Variants in RRBP1 observed in about 807,000 individuals in gnomAD.
The protein encoded by RRBP1 is ribosome-binding protein 1.
RRBP1 carries 94 observed loss-of-function variants against 165.2 expected under a neutral mutation model. The observed-to-expected ratio is 0.57, with a 90% CI of 0.48 to 0.68. The LOEUF is 0.68. Among genes scored for constraint, RRBP1 ranks in the 30% least tolerant of loss-of-function variants. The pLI, the probability that RRBP1 is intolerant of heterozygous loss-of-function variation, is 0.00. For synonymous variants in RRBP1, 680 were observed against 714.5 expected (o/e 0.95, Z 0.77); for missense variants, 1,676 against 1,763.0 (o/e 0.95, Z 0.88).
rs967464780 is a variant in RRBP1 at position 17,627,311 on chromosome 20, G to A, written c.2963+37C>T. The A allele has an allele frequency of 1.9e-6, 3 of 1,609,586 alleles. No homozygotes were observed. The African/African-American group carries it at 4.0e-5, about 22-fold the overall frequency. Reference sequence around the variant, plus strand: ...AAGGGTCTTTGGTCCCCCGGGCTGAGGCTCAAGTGAGCAGGCAGGCTGCTT... The same window carrying A: ...AAGGGTCTTTGGTCCCCCGGGCTGAAGCTCAAGTGAGCAGGCAGGCTGCTT... On this transcript the variant is annotated intron_variant, in intron 11 of 24. Coordinates refer to ENST00000377813, the MANE Select transcript of RRBP1 (RefSeq NM_001365613.2).
At chr20:17,671,598 G>C (rs894977718) in intron 2 of RRBP1, among the ~76,000 whole-genome samples, 1 of 152,162 alleles carries the variant, frequency 6.6e-6, no homozygotes, top group Admixed American at 6.5e-5. Context: ...GTGAGAATGG[G>C]CTTACCTCTG....
intron 3 of RRBP1, among the ~76,000 whole-genome samples, chr20:17,653,298 C>T (rs375402654): frequency 2.0e-5 from 3 of 152,262 alleles, no homozygotes; most frequent in East Asian, 1.9e-4. Flanking sequence ...CTGTCCTTTA[C>T]AGTCAGAGCT....
At chr20:17,633,978 A>G (rs929761074) in intron 7 of RRBP1, among the ~76,000 whole-genome samples, 1 of 152,334 alleles carries the variant, frequency 6.6e-6, no homozygotes. Flanking sequence ...GCCTGTGGGC[A>G]GCAGCCCACG....
intron 16 of RRBP1, among the ~76,000 whole-genome samples, 196 bp downstream of exon 16, chr20:17,621,262 C>A (rs529568386): frequency 1.6e-4 from 24 of 152,322 alleles, no homozygotes; most frequent in African/African-American, 5.1e-4. Flanking sequence ...TCAACTTGGC[C>A]TTCTCTTCAG....
At chr20:17,629,263 G>A (rs909638002) in intron 9 of RRBP1, among the ~76,000 whole-genome samples, 1 of 152,212 alleles carries the variant, frequency 6.6e-6, no homozygotes, top group Non-Finnish European at 1.5e-5. Context: ...AGGGCCACGG[G>A]CCTCTCACTG....
In RRBP1 at chr20:17,682,041, C is replaced by CGCGAGAGGGAAA. The variant is rs1480517221; in HGVS notation, c.-124_-113dup. The CGCGAGAGGGAAA allele has an allele frequency of 1.3e-5, 2 of 151,966 alleles. No individual in the cohort carries two copies. The highest frequency in any genetic ancestry group is 4.8e-5 in the African/African-American group (2 of 41,504). The allele number at this position is 151,966 out of a possible 1,614,324, so 9.4% of individuals were successfully genotyped here. On this transcript the variant is annotated 5_prime_UTR_variant, in exon 1 of 25. Coordinates refer to ENST00000377813, the MANE Select transcript of RRBP1 (RefSeq NM_001365613.2). The stretch of plus-strand genomic sequence containing the variant: ...CAAGTTTCTTACCTGCAGCCAGAGA[C>CGCGAGAGGGAAA]GCGAGAGGGAAAGCGAGAGGGCAGG...
In RRBP1 at chr20:17,665,499, G is replaced by T. The variant is rs187292765; in HGVS notation, c.-21-4971C>A. On this transcript the variant is annotated intron_variant, in intron 2 of 24. Coordinates refer to ENST00000377813, the MANE Select transcript of RRBP1 (RefSeq NM_001365613.2). ...CCATTCTTGTGCCTCAGGCTCCCGA[G>T]TAGCTGGGATTACAGGCGTGTGTCA... Among the ~76,000 whole-genome samples, 16 of 152,294 alleles carry T rather than the reference G, an allele frequency of 1.1e-4. No homozygotes were observed. The East Asian group carries it at 3.1e-3, about 29-fold the overall frequency.
chr20:17,614,316 T>C, intron 24 of RRBP1, 96 bp from the exon 25 acceptor site: 1 of 1,217,476 alleles, frequency 8.2e-7, no homozygotes, highest in South Asian at 1.2e-5. Context: ...CTCCCTGGAT[T>C]GACCCCCTCA....
intron 3 of RRBP1, among the ~76,000 whole-genome samples, chr20:17,652,754 C>T (rs548774064): frequency 2.0e-5 from 3 of 152,340 alleles, no homozygotes; most frequent in African/African-American, 7.2e-5. Flanking sequence ...CAGTGGGGGC[C>T]GCCGCAGCCT....
At chr20:17,645,549 T>C (rs985272660) in intron 3 of RRBP1, among the ~76,000 whole-genome samples, 4 of 152,212 alleles carry the variant, frequency 2.6e-5, no homozygotes, top group Admixed American at 6.5e-5. Flanking sequence ...TCATTTTTCA[T>C]TAAATCTTTT....
At chr20:17,681,392 C>A (rs986237370) in intron 1 of RRBP1, among the ~76,000 whole-genome samples, 9 of 147,796 alleles carry the variant, frequency 6.1e-5, no homozygotes, top group Admixed American at 2.0e-4. Context: ...CCGGTCCCTG[C>A]GCCGCGAGCC....
At chr20:17,625,747 C>T in intron 11 of RRBP1, 145 bp from the exon 12 acceptor site, 1 of 653,222 alleles carries the variant, frequency 1.5e-6, no homozygotes, top group East Asian at 2.7e-5. Context: ...CCCCACCTCA[C>T]CCAGCGTGAG....
intron 4 of RRBP1, among the ~76,000 whole-genome samples, chr20:17,642,245 C>T (rs960526699): frequency 6.6e-6 from 1 of 152,248 alleles, no homozygotes; most frequent in African/African-American, 2.4e-5. Flanking sequence ...CCGAGCCGGG[C>T]GTGCAGCCCG....
intron 13 of RRBP1, chr20:17,623,445 G>T (rs1464346228): frequency 6.6e-6 from 1 of 152,236 alleles, no homozygotes; most frequent in African/African-American, 2.4e-5. Context: ...TGCAGCTGCT[G>T]CTGGCCATGT....
chr20:17,621,659 C>T (rs1044477532), intron 15 of RRBP1, 31 bp downstream of exon 15: 1 of 1,609,912 alleles, frequency 6.2e-7, no homozygotes, highest in Non-Finnish European at 8.5e-7. Context: ...GGGAGCCCAA[C>T]AGAGGAGCCT....
At chr20:17,672,182 C>G (rs539830293) in intron 2 of RRBP1, among the ~76,000 whole-genome samples, 1 of 152,334 alleles carries the variant, frequency 6.6e-6, no homozygotes, top group African/African-American at 2.4e-5. Flanking sequence ...TAAATGAGGT[C>G]TGATACCCAA....
chr20:17,620,937 T>G, intron 16 of RRBP1, 130 bp from the exon 17 acceptor site: 1 of 682,494 alleles, frequency 1.5e-6, no homozygotes. Flanking sequence ...GCGCCAGCGT[T>G]AGGTGGGGAG....
intron 2 of RRBP1, among the ~76,000 whole-genome samples, chr20:17,668,452 T>G (rs1239577751): frequency 6.6e-6 from 1 of 152,196 alleles, no homozygotes; most frequent in Non-Finnish European, 1.5e-5. Context: ...ATGGGCTGAG[T>G]TGTGGGCCTG....
chr20:17,644,602 C>A (rs2036429283), intron 3 of RRBP1, among the ~76,000 whole-genome samples: 1 of 152,144 alleles, frequency 6.6e-6, no homozygotes, highest in South Asian at 2.1e-4. Context: ...CTGGGCAGGG[C>A]AGCTGCTTCA....
Sources: allele counts gnomAD v4.1 joint callset (sites outside exome capture counted in the v4.1 genomes callset), GRCh38; gene constraint gnomAD v4.1.1; transcripts MANE v1.5; gene names NCBI Gene and HGNC (gene_info 2026-07-23, HGNC 2026-07-21).